The following CNBD2 variants were observed in gnomAD, a reference collection of about 807,000 sequenced individuals.
The protein encoded by CNBD2 is cyclic nucleotide binding domain containing 2.
In CNBD2, 64 loss-of-function variants were observed where a neutral mutation model predicts 63.7. That is an observed-to-expected ratio of 1.00 (90% CI 0.82 to 1.24). The LOEUF (loss-of-function observed/expected upper bound fraction) is 1.24, where lower values mean the gene tolerates loss of function less well. CNBD2 is among the 50% of genes most tolerant of loss of function. The pLI, the probability that CNBD2 is intolerant of heterozygous loss-of-function variation, is 0.00. For missense variants in CNBD2, 691 were observed against 713.5 expected, an observed-to-expected ratio of 0.97 and a Z score of 0.36; for synonymous variants, 229 against 255.4, an observed-to-expected ratio of 0.90 and a Z score of 0.99.
intron 2 of CNBD2, among the ~76,000 whole-genome samples, chr20:35,960,498 C>A (rs1426658196): frequency 5.9e-5 from 9 of 152,206 alleles, no homozygotes; most frequent in African/African-American, 2.2e-4. Flanking sequence ...TACCGCCATG[C>A]CCCACTAATT....
intron 10 of CNBD2, among the ~76,000 whole-genome samples, chr20:36,012,822 CAAAAAA>C (rs141479430): frequency 1.0e-4 from 9 of 87,212 alleles, no homozygotes; most frequent in Middle Eastern, 5.0e-3. Flanking sequence ...AAATCCGTCT[CAAAAAA>C]AAAAAAAAAA....
At chr20:35,983,874 C>T (rs1382433424) in intron 4 of CNBD2, 108 bp from the exon 5 acceptor site, 1 of 1,317,142 alleles carries the variant, frequency 7.6e-7, no homozygotes, top group Non-Finnish European at 1.1e-6. Flanking sequence ...TGGTCCAAGT[C>T]TGTGCTCTTA....
intron 10 of CNBD2, among the ~76,000 whole-genome samples, chr20:36,016,805 A>G (rs1051179000): frequency 4.6e-5 from 7 of 150,972 alleles, no homozygotes; most frequent in Middle Eastern, 3.4e-3. Context: ...AAAAAAAAAA[A>G]GGAATCCAAG....
intron 8 of CNBD2, among the ~76,000 whole-genome samples, chr20:36,007,951 G>T (rs1010247819): frequency 6.6e-6 from 1 of 152,068 alleles, no homozygotes; most frequent in Non-Finnish European, 1.5e-5. Flanking sequence ...TTTGAAGGCC[G>T]GGATAAATAT....
At chr20:35,954,425 G>C (rs751215098), upstream of CNBD2, 42 of 1,550,852 alleles carry the variant, frequency 2.7e-5, no homozygotes, top group Admixed American at 5.9e-5. Context: ...ACTCGGGACC[G>C]GCCGAGAGTG....
At chr20:35,956,223 A>G (rs1314409869), downstream of CNBD2, among the ~76,000 whole-genome samples, 1 of 152,240 alleles carries the variant, frequency 6.6e-6, no homozygotes, top group Non-Finnish European at 1.5e-5. Context: ...TTGGATGGGT[A>G]GAAGTGGACC....
chr20:36,027,740 A>T (rs1394936537), intron 11 of CNBD2, among the ~76,000 whole-genome samples: 1 of 149,210 alleles, frequency 6.7e-6, no homozygotes, highest in African/African-American at 2.5e-5. Context: ...CAGTGGTGTG[A>T]TCTTGGCTCA....
rs374440716 is a variant in CNBD2 at position 35,975,223 on chromosome 20, G to C, written c.190-726G>C. Among the ~76,000 whole-genome samples the C allele has an allele frequency of 4.4e-5, 6 of 135,978 alleles. No individual in the cohort carries two copies. In the East Asian group the frequency reaches 6.3e-4, roughly 14 times the overall value. The allele number at this position is 135,978 out of a possible 152,430, so 89.2% of individuals were successfully genotyped here. A position where few individuals can be genotyped will look rare whatever the true frequency, so the allele number is the denominator to read the frequency against. ...TCACCTTGTTAGCCAGGATGGTCTC[G>C]ATCTCCTGACCTCGTGATCCGCCCG... On this transcript the variant is annotated intron_variant, in intron 2 of 11. Coordinates refer to ENST00000373973, the MANE Select transcript of CNBD2 (RefSeq NM_001365709.1).
chr20:35,992,839 C>T (rs2056765957), intron 7 of CNBD2, among the ~76,000 whole-genome samples: 1 of 150,816 alleles, frequency 6.6e-6, no homozygotes, highest in South Asian at 2.1e-4. Context: ...GCCTGGCCAG[C>T]GTTTTTTGAG....
chr20:35,958,220 C>T (rs907883956), downstream of CNBD2, among the ~76,000 whole-genome samples: 1 of 152,172 alleles, frequency 6.6e-6, no homozygotes, highest in Admixed American at 6.6e-5. Context: ...ATCACGAGTT[C>T]AGGAGTTTGA....
At chr20:36,012,905 A>G (rs1200448309) in intron 10 of CNBD2, among the ~76,000 whole-genome samples, 1 of 152,100 alleles carries the variant, frequency 6.6e-6, no homozygotes, top group East Asian at 1.9e-4. Context: ...ATTCTATGAC[A>G]TTCTGGAAAA....
chr20:35,975,839 A>G (rs2056509259), intron 2 of CNBD2, 110 bp from the exon 3 acceptor site: 6 of 996,670 alleles, frequency 6.0e-6, no homozygotes, highest in South Asian at 1.5e-5. Flanking sequence ...GAGGTTTCCC[A>G]TGGCTTCCTG....
chr20:35,987,282 A>G, intron 6 of CNBD2, 113 bp from the exon 7 acceptor site: 1 of 1,223,070 alleles, frequency 8.2e-7, no homozygotes, highest in Non-Finnish European at 1.2e-6. Flanking sequence ...TAGCAGCGAA[A>G]TCTTCCACCC....
At chr20:36,022,195 C>CTTTTTTTTT (rs753206662) in intron 10 of CNBD2, among the ~76,000 whole-genome samples, 9 of 56,264 alleles carry the variant, frequency 1.6e-4, no homozygotes, top group South Asian at 7.4e-4. Flanking sequence ...TTTTTTTTTT[C>CTTTTTTTTT]TTTTTTTTTT....
Position 35,972,695 on chromosome 20 carries a change from C to T in CNBD2, c.118C>T (p.Leu40Phe). 6.2e-7 allele frequency: 1 copy of T among 1,613,968 alleles called. No individual in the cohort carries two copies. The highest frequency in any genetic ancestry group is 8.5e-7 in the Non-Finnish European group (1 of 1,179,940). ...AGTGTGTAAAATGTTCCGCCAAGGC[C>T]TCAGGGGATTCCGGGAATATCAAAT... ...IRVCKMFRQGLRGFREYQIIE... is the reference protein window; with the variant it reads ...IRVCKMFRQGFRGFREYQIIE... Residue 40 changes from leucine to phenylalanine, a missense_variant, in exon 2 of 12, where the codon CTC (leucine) becomes TTC (phenylalanine). Leu to Phe is a conservative substitution (Grantham distance 22). Coordinates refer to ENST00000373973, the MANE Select transcript of CNBD2 (RefSeq NM_001365709.1).
At position 36,030,586 on chromosome 20, in the gene CNBD2, C is replaced by A. The variant is rs372470547; in HGVS notation, c.1669C>A (p.Pro557Thr). ...IFMAPQKYLP[P>T]LRIVQAIKAP... The stretch of plus-strand genomic sequence containing the variant: ...TATGGCACCCCAGAAATACCTCCCC[C>A]CATTGAGGATTGTCCAAGCCATCAA... Residue 557 changes from proline to threonine, a missense_variant, in exon 12 of 12, where the codon CCA becomes ACA. Physicochemically the swap from Pro to Thr is conservative, Grantham distance 38. Coordinates refer to ENST00000373973, the MANE Select transcript of CNBD2 (RefSeq NM_001365709.1). 1.2e-5 allele frequency: 20 copies of A among 1,614,038 alleles called. 1 individual carries two copies. The highest frequency in any genetic ancestry group is 1.6e-4 in the Middle Eastern group (1 of 6,084).
intron 4 of CNBD2, among the ~76,000 whole-genome samples, chr20:35,981,251 T>C (rs1190042559): frequency 1.3e-5 from 2 of 152,232 alleles, no homozygotes; most frequent in East Asian, 3.9e-4. Context: ...CCTTTCCCCT[T>C]CCCAAAAATG....
intron 1 of CNBD2, 41 bp from the exon 2 acceptor site, chr20:35,972,588 A>G (rs1470378585): frequency 6.2e-7 from 1 of 1,607,804 alleles, no homozygotes; most frequent in Admixed American, 1.7e-5. Flanking sequence ...ACTGTTGAGA[A>G]CAGATGGTTT....
Position 35,980,543 on chromosome 20 carries a change from A to G in CNBD2, c.328A>G (p.Ile110Val). 6.2e-7 allele frequency: 1 copy of G among 1,614,192 alleles called. No individual in the cohort carries two copies. The highest frequency in any genetic ancestry group is 8.5e-7 in the Non-Finnish European group (1 of 1,180,026). The change falls in exon 4 of 12, where the codon ATC becomes GTC. Residue 110 changes from isoleucine to valine, a missense_variant. Transcript: ENST00000373973. ...TEDEIQAVCN[I>V]LQVLDSYRNY... ...GGATGAGATCCAGGCCGTCTGTAAC[A>G]TCTTGCAGGTTCTGGATAGCTATCG...
Sources: gnomAD v4.1 joint callset for allele counts (sites outside exome capture counted in the v4.1 genomes callset) on GRCh38, gnomAD v4.1.1 for gene constraint, MANE v1.5 for transcripts, NCBI Gene and HGNC (gene_info 2026-07-23, HGNC 2026-07-21) for gene names.